Variants in EPHA6 observed in about 807,000 individuals in gnomAD.
EPHA6 encodes the protein EPH receptor A6.
In EPHA6, 50 loss-of-function variants were observed where a neutral mutation model predicts 112.0. That is an observed-to-expected ratio of 0.45 (90% CI 0.36 to 0.56). The LOEUF is 0.56. EPHA6 is among the 20% of genes least tolerant of loss of function. The probability of loss-of-function intolerance (pLI) is 0.00; values close to 1 mark genes in which losing one functional copy is unlikely to be tolerated. For missense variants in EPHA6, 1,280 were observed against 1,417.4 expected, an observed-to-expected ratio of 0.90 and a Z score of 1.56; for synonymous variants, 529 against 490.7, an observed-to-expected ratio of 1.08 and a Z score of -1.03.
At chr3:97,301,180 G>C (rs898770517) in intron 5 of EPHA6, among the ~76,000 whole-genome samples, 11 of 152,090 alleles carry the variant, frequency 7.2e-5, no homozygotes, top group Non-Finnish European at 1.5e-4. Context: ...TTAAAAAAGA[G>C]AGAATGAGAA....
At chr3:97,194,854 A>G (rs1263795576) in intron 3 of EPHA6, among the ~76,000 whole-genome samples, 5 of 151,924 alleles carry the variant, frequency 3.3e-5, no homozygotes, top group African/African-American at 1.2e-4. Context: ...TTGTTTTGAA[A>G]TCTATTTTGT....
intron 3 of EPHA6, among the ~76,000 whole-genome samples, chr3:97,016,351 T>C (rs994684611): frequency 2.2e-4 from 34 of 152,164 alleles, no homozygotes; most frequent in African/African-American, 8.2e-4. Flanking sequence ...TTCAAAAGTT[T>C]TGACAGAATC....
At chr3:97,069,311 C>T (rs765882184) in intron 3 of EPHA6, among the ~76,000 whole-genome samples, 1 of 152,064 alleles carries the variant, frequency 6.6e-6, no homozygotes, top group Non-Finnish European at 1.5e-5. Flanking sequence ...ATCAGCATAA[C>T]GTTCTTCATC....
At chr3:97,336,985 G>A (rs546515564) in intron 5 of EPHA6, among the ~76,000 whole-genome samples, 7 of 151,638 alleles carry the variant, frequency 4.6e-5, no homozygotes, top group African/African-American at 1.7e-4. Flanking sequence ...GGATGAAAAA[G>A]AGTAGTAAAA....
At chr3:97,030,618 G>GT (rs2044794898) in intron 3 of EPHA6, among the ~76,000 whole-genome samples, 1 of 151,962 alleles carries the variant, frequency 6.6e-6, no homozygotes, top group African/African-American at 2.4e-5. Context: ...TAGAACTTGG[G>GT]TGTAGAGATG....
At chr3:96,984,427 G>T (rs548171014) in intron 2 of EPHA6, among the ~76,000 whole-genome samples, 11 of 152,256 alleles carry the variant, frequency 7.2e-5, no homozygotes, top group African/African-American at 2.4e-4. Flanking sequence ...TCATCTCTGA[G>T]GGGTACCTGG....
At chr3:97,000,287 A>ACACACACAAATATATAGC (rs138184966) in intron 3 of EPHA6, among the ~76,000 whole-genome samples, 1 of 147,102 alleles carries the variant, frequency 6.8e-6, no homozygotes, top group Non-Finnish European at 1.5e-5. Flanking sequence ...ACACACACAC[A>ACACACACAAATATATAGC]CACACATATA....
At chr3:97,031,388 A>T (rs1204047328) in intron 3 of EPHA6, among the ~76,000 whole-genome samples, 1 of 152,156 alleles carries the variant, frequency 6.6e-6, no homozygotes, top group Non-Finnish European at 1.5e-5. Context: ...AGGCATGGGC[A>T]AGGACTTCAT....
chr3:97,437,371 C>T (rs1382507688), intron 6 of EPHA6, among the ~76,000 whole-genome samples: 1 of 152,150 alleles, frequency 6.6e-6, no homozygotes, highest in Non-Finnish European at 1.5e-5. Context: ...TCCTGCCCCT[C>T]CATTCTGCCA....
chr3:97,455,675 C>A (rs896396591), intron 7 of EPHA6, among the ~76,000 whole-genome samples: 4 of 151,896 alleles, frequency 2.6e-5, no homozygotes, highest in Non-Finnish European at 5.9e-5. Flanking sequence ...GTTCACAGAG[C>A]TGTGCAGTGT....
intron 6 of EPHA6, among the ~76,000 whole-genome samples, chr3:97,423,269 CA>C (rs1436317729): frequency 1.3e-5 from 2 of 152,054 alleles, no homozygotes; most frequent in African/African-American, 4.8e-5. Context: ...AATCTTTGCC[CA>C]AAAGCTCCTA....
intron 6 of EPHA6, among the ~76,000 whole-genome samples, chr3:97,422,013 G>T (rs1052320483): frequency 6.6e-6 from 1 of 151,414 alleles, no homozygotes; most frequent in African/African-American, 2.4e-5. Context: ...AAAATTTTTG[G>T]AAGGAAAATA....
intron 7 of EPHA6, among the ~76,000 whole-genome samples, chr3:97,458,868 G>A (rs2090786267): frequency 6.6e-6 from 1 of 152,124 alleles, no homozygotes; most frequent in South Asian, 2.1e-4. Flanking sequence ...AGATATAGAT[G>A]TAGGCACTAG....
chr3:97,507,822 C>T (rs2092285825), intron 10 of EPHA6, among the ~76,000 whole-genome samples: 1 of 151,960 alleles, frequency 6.6e-6, no homozygotes, highest in African/African-American at 2.4e-5. Flanking sequence ...CTATTAATTA[C>T]TGCCTGAATT....
intron 14 of EPHA6, among the ~76,000 whole-genome samples, chr3:97,654,128 T>C (rs78040746): frequency 0.023 from 3,566 of 151,894 alleles, 123 homozygotes; most frequent in African/African-American, 0.079. Flanking sequence ...TTAAGTGTTC[T>C]CACCAGAAAT....
At chr3:97,578,020 G>A (rs956738353) in intron 11 of EPHA6, among the ~76,000 whole-genome samples, 1 of 152,044 alleles carries the variant, frequency 6.6e-6, no homozygotes, top group Non-Finnish European at 1.5e-5. Context: ...GGCTAGAACA[G>A]CCAAAATTAC....
At position 97,332,149 on chromosome 3, in the gene EPHA6, A is replaced by G. The variant is rs564846755; in HGVS notation, c.1607-73001A>G. On this transcript the variant is annotated intron_variant, in intron 5 of 17. Transcript: ENST00000389672. ...ATCCAGCATATAAACAGAACCAAAG[A>G]CAAAAACCACATGATTTTCTCAATA... 2.0e-4 allele frequency among the ~76,000 whole-genome samples: 31 copies of G among 152,272 alleles called. No individual in the cohort carries two copies. The South Asian group carries it at 6.4e-3, about 32-fold the overall frequency.
At chr3:97,345,369 T>C (rs1405094465) in intron 5 of EPHA6, among the ~76,000 whole-genome samples, 2 of 152,178 alleles carry the variant, frequency 1.3e-5, no homozygotes, top group African/African-American at 2.4e-5. Flanking sequence ...AGGAACTCCA[T>C]GCTGATATGA....
At chr3:97,444,513 A>T (rs1031054409) in intron 6 of EPHA6, among the ~76,000 whole-genome samples, 1 of 152,206 alleles carries the variant, frequency 6.6e-6, no homozygotes, top group Non-Finnish European at 1.5e-5. Context: ...AGTGTTCTAG[A>T]ACCTTATACA....
Sources: gnomAD v4.1 joint callset for allele counts (sites outside exome capture counted in the v4.1 genomes callset) on GRCh38, gnomAD v4.1.1 for gene constraint, MANE v1.5 for transcripts, NCBI Gene and HGNC (gene_info 2026-07-23, HGNC 2026-07-21) for gene names.